Variants in AFF3 observed in about 807,000 individuals in gnomAD.
AFF3 encodes ALF transcription elongation factor 3.
A neutral mutation model predicts 129.7 loss-of-function variants in AFF3; 32 were observed. The ratio of observed to expected loss-of-function variants is 0.25; its 90% CI spans 0.19 to 0.33. The LOEUF (loss-of-function observed/expected upper bound fraction) is 0.33. Among genes scored for constraint, AFF3 ranks in the 10% least tolerant of loss-of-function variants. The pLI is 1.00. For synonymous variants in AFF3, 644 were observed against 635.4 expected (o/e 1.01, Z -0.20); for missense variants, 1,373 against 1,592.0 (o/e 0.86, Z 2.34).
intron 7 of AFF3, among the ~76,000 whole-genome samples, chr2:99,919,768 A>G (rs1341844461): frequency 6.6e-6 from 1 of 152,108 alleles, no homozygotes; most frequent in Non-Finnish European, 1.5e-5. Context: ...AAAAATTAAC[A>G]AAGCCAGAAG....
At chr2:99,611,176 T>A (rs910424261) in intron 13 of AFF3, among the ~76,000 whole-genome samples, 1 of 152,186 alleles carries the variant, frequency 6.6e-6, no homozygotes, top group African/African-American at 2.4e-5. Flanking sequence ...TGTATTATTG[T>A]GGTGAGACCC....
chr2:99,790,532 T>TTA (rs1685121348), intron 8 of AFF3, among the ~76,000 whole-genome samples: 1 of 152,210 alleles, frequency 6.6e-6, no homozygotes, highest in African/African-American at 2.4e-5. Context: ...TTTTACAATT[T>TTA]TATTATCAAT....
chr2:99,971,310 C>T (rs1206207458), intron 7 of AFF3, among the ~76,000 whole-genome samples: 1 of 152,180 alleles, frequency 6.6e-6, no homozygotes, highest in Non-Finnish European at 1.5e-5. Flanking sequence ...CCAATTTTCC[C>T]TCTTTGATCC....
chr2:99,638,438 G>C (rs1314918909), intron 13 of AFF3, among the ~76,000 whole-genome samples: 1 of 151,858 alleles, frequency 6.6e-6, no homozygotes, highest in Non-Finnish European at 1.5e-5. Context: ...AGCGAGGCTG[G>C]GGGACTCCGG....
intron 7 of AFF3, among the ~76,000 whole-genome samples, chr2:99,942,859 A>G (rs562987567): frequency 6.6e-6 from 1 of 152,158 alleles, no homozygotes; most frequent in East Asian, 1.9e-4. Context: ...TGGCTCAGTG[A>G]CACCTTTATC....
At chr2:99,646,889 C>T (rs770411023) in intron 13 of AFF3, among the ~76,000 whole-genome samples, 4 of 152,200 alleles carry the variant, frequency 2.6e-5, no homozygotes, top group Admixed American at 6.5e-5. Flanking sequence ...TAATTTCCAT[C>T]TTGAAATGGT....
At chr2:100,118,645 T>A (rs905757649) in intron 2 of AFF3, among the ~76,000 whole-genome samples, 3 of 152,126 alleles carry the variant, frequency 2.0e-5, no homozygotes, top group Non-Finnish European at 4.4e-5. Context: ...CTGGTCGTTG[T>A]ATTTCAGGAA....
chr2:99,886,558 T>C (rs1451549665), intron 7 of AFF3, among the ~76,000 whole-genome samples: 1 of 152,086 alleles, frequency 6.6e-6, no homozygotes. Context: ...TCCCCCTCCA[T>C]GCTACAAAAA....
At chr2:99,976,486 CA>C (rs988198621) in intron 7 of AFF3, among the ~76,000 whole-genome samples, 1 of 152,142 alleles carries the variant, frequency 6.6e-6, no homozygotes, top group Non-Finnish European at 1.5e-5. Context: ...ATAACTCTTC[CA>C]AAAGATTAAT....
At chr2:100,005,417 A>G (rs1393556178) in intron 7 of AFF3, among the ~76,000 whole-genome samples, 1 of 152,226 alleles carries the variant, frequency 6.6e-6, no homozygotes, top group Admixed American at 6.5e-5. Context: ...GTCAGTCACC[A>G]CTGCTCAAAG....
intron 11 of AFF3, among the ~76,000 whole-genome samples, chr2:99,700,883 C>T (rs1676782581): frequency 6.6e-6 from 1 of 152,220 alleles, no homozygotes; most frequent in African/African-American, 2.4e-5. Flanking sequence ...TCCACTGGGG[C>T]TGGCCTTGGT....
intron 11 of AFF3, among the ~76,000 whole-genome samples, chr2:99,723,863 T>C (rs1244165353): frequency 2.6e-5 from 4 of 152,100 alleles, no homozygotes; most frequent in Non-Finnish European, 5.9e-5. Context: ...GCTGACTATA[T>C]AAACAGACAC....
chr2:99,558,123 C>T (rs1009509022), intron 22 of AFF3, among the ~76,000 whole-genome samples: 32 of 152,192 alleles, frequency 2.1e-4, no homozygotes, highest in African/African-American at 7.7e-4. Flanking sequence ...TGAGTTCTAA[C>T]AAGCCATCTC....
intron 7 of AFF3, among the ~76,000 whole-genome samples, chr2:99,858,669 C>T (rs750571866): frequency 6.6e-6 from 1 of 152,120 alleles, no homozygotes; most frequent in African/African-American, 2.4e-5. Context: ...AAATACTGCA[C>T]GTTCTCACTT....
intron 9 of AFF3, among the ~76,000 whole-genome samples, chr2:99,750,341 C>T (rs998065791): frequency 2.0e-5 from 3 of 150,248 alleles, no homozygotes; most frequent in Non-Finnish European, 3.0e-5. Flanking sequence ...ATTCATCATA[C>T]AGACACACTG....
chr2:100,046,620 G>A (rs913421571), intron 4 of AFF3, among the ~76,000 whole-genome samples: 1 of 152,172 alleles, frequency 6.6e-6, no homozygotes, highest in Non-Finnish European at 1.5e-5. Context: ...CATCTAAGGA[G>A]TAAAAAGTCA....
At chr2:99,942,334 A>G (rs1056488855) in intron 7 of AFF3, among the ~76,000 whole-genome samples, 5 of 152,180 alleles carry the variant, frequency 3.3e-5, no homozygotes, top group African/African-American at 1.2e-4. Flanking sequence ...TACGTTCACA[A>G]GTCTATATTC....
chr2:99,905,006 G>A (rs1694610879), intron 7 of AFF3, among the ~76,000 whole-genome samples: 1 of 152,028 alleles, frequency 6.6e-6, no homozygotes, highest in African/African-American at 2.4e-5. Flanking sequence ...TCCCACCACT[G>A]GCTTCTTCCT....
At chr2:100,123,276 T>C (rs1036919399) in intron 2 of AFF3, among the ~76,000 whole-genome samples, 5 of 152,318 alleles carry the variant, frequency 3.3e-5, no homozygotes, top group South Asian at 2.1e-4. Flanking sequence ...AAGCGAAGTT[T>C]AATTATTTCA....
Sources: gnomAD v4.1 joint callset for allele counts (sites outside exome capture counted in the v4.1 genomes callset) on GRCh38, gnomAD v4.1.1 for gene constraint, MANE v1.5 for transcripts, NCBI Gene and HGNC (gene_info 2026-07-23, HGNC 2026-07-21) for gene names.